The following OBI1 variants were observed in gnomAD, a reference collection of about 807,000 sequenced individuals.
OBI1 encodes the protein ring finger protein 219.
Under a neutral mutation model 62.4 loss-of-function variants are expected in OBI1, and 59 were observed. The observed-to-expected ratio is 0.95, with a 90% CI of 0.77 to 1.17. The LOEUF (loss-of-function observed/expected upper bound fraction) is 1.17, where lower values mean the gene tolerates loss of function less well. OBI1 is among the 50% of genes most tolerant of loss of function. The probability of loss-of-function intolerance (pLI) is 0.00; values close to 1 mark genes in which losing one functional copy is unlikely to be tolerated. For missense variants in OBI1, 875 were observed against 830.9 expected, an observed-to-expected ratio of 1.05 and a Z score of -0.65; for synonymous variants, 302 against 292.8, an observed-to-expected ratio of 1.03 and a Z score of -0.32.
chr13:78,622,410 T>C (rs1306479529), intron 5 of OBI1, among the ~76,000 whole-genome samples: 2 of 152,334 alleles, frequency 1.3e-5, no homozygotes, highest in East Asian at 3.9e-4. Context: ...TAATGGTTGA[T>C]ATGGGACAAA....
chr13:78,644,905 G>C lies in OBI1; in HGVS notation c.165C>G (p.Cys55Trp), dbSNP rs752759194. The C allele has an allele frequency of 1.9e-6, 3 of 1,614,006 alleles. No individual in the cohort carries two copies. Among genetic ancestry groups the C allele is most frequent in the Non-Finnish European group, 2.5e-6 (3 of 1,179,924 alleles). The change falls in exon 2 of 6, where the codon TGC becomes TGG. Residue 55 changes from cysteine (C) to tryptophan (W), a missense_variant. Cys to Trp is a radical substitution (Grantham distance 215). Transcript: ENST00000282003. ...WLKNNSQCPA[C>W]RVPITPENPC... ...GATTTTCAGGAGTGATGGGGACTCT[G>C]CAAGCTGGACACTGGCTATTATTCT...
intron 5 of OBI1, among the ~76,000 whole-genome samples, chr13:78,625,387 A>G (rs1479222235): frequency 6.6e-6 from 1 of 152,198 alleles, no homozygotes; most frequent in Admixed American, 6.5e-5. Flanking sequence ...CTCTCTCAGC[A>G]TGAAACAAAA....
chr13:78,652,248 G>C (rs1292058806), intron 1 of OBI1, among the ~76,000 whole-genome samples: 1 of 152,098 alleles, frequency 6.6e-6, no homozygotes, highest in Non-Finnish European at 1.5e-5. Context: ...AATTTCTAAA[G>C]AACTACTAAA....
chr13:78,626,457 C>T (rs924714229), intron 5 of OBI1, among the ~76,000 whole-genome samples: 5 of 152,052 alleles, frequency 3.3e-5, no homozygotes, highest in Admixed American at 6.6e-5. Flanking sequence ...ACATACAACA[C>T]GATCATTAAA....
chr13:78,639,963 G>A (rs2137454619), intron 3 of OBI1, among the ~76,000 whole-genome samples: 1 of 151,180 alleles, frequency 6.6e-6, no homozygotes, highest in East Asian at 1.9e-4. Flanking sequence ...TGCACAATGT[G>A]CACATGTACC....
intron 1 of OBI1, among the ~76,000 whole-genome samples, chr13:78,656,569 C>T (rs192366605): frequency 1.3e-5 from 2 of 148,952 alleles, no homozygotes; most frequent in Admixed American, 1.3e-4. Flanking sequence ...GCAACAAGAG[C>T]GAAACTCCGT....
chr13:78,616,466 C>T lies in OBI1; in HGVS notation c.1295G>A (p.Cys432Tyr), dbSNP rs765343118. ...HLRKLVFDDF[C>Y]DSSNVSNKDS... ...TTTATTAGAAACATTTGAAGAATCACAAAAATCATCAAACACCAATTTTCT... is the reference window on the plus strand; with the variant it reads ...TTTATTAGAAACATTTGAAGAATCATAAAAATCATCAAACACCAATTTTCT... Residue 432 changes from cysteine to tyrosine, a missense_variant, in exon 6 of 6, where the codon TGT (cysteine) becomes TAT (tyrosine). By Grantham distance (194) the Cys-to-Tyr change is radical. Transcript: ENST00000282003. 7.4e-6 allele frequency: 12 copies of T among 1,614,010 alleles called. No individual in the cohort carries two copies. The highest frequency in any genetic ancestry group is 5.3e-5 in the African/African-American group (4 of 75,030).
chr13:78,650,068 T>C (rs1197851574), intron 1 of OBI1, among the ~76,000 whole-genome samples: 2 of 152,224 alleles, frequency 1.3e-5, no homozygotes, highest in African/African-American at 4.8e-5. Context: ...TCCAGGTCTG[T>C]GGTTTCTAAT....
chr13:78,659,041 C>T lies in OBI1; in HGVS notation c.72+8G>A. 1.2e-6 allele frequency: 2 copies of T among 1,612,150 alleles called. No individual in the cohort carries two copies. Among genetic ancestry groups the T allele is most frequent in the Non-Finnish European group, 1.7e-6 (2 of 1,178,706 alleles). ...CGTTTTGTAGCTGTGCCCACAATCA[C>T]CCATTACCTTCCCCAAGCAAATGTG... is the stretch of plus-strand genomic sequence containing the variant. On this transcript the variant is annotated splice_region_variant and intron_variant, in intron 1 of 5. Transcript: ENST00000282003.
At chr13:78,622,389 G>A (rs1229616250) in intron 5 of OBI1, among the ~76,000 whole-genome samples, 1 of 152,180 alleles carries the variant, frequency 6.6e-6, no homozygotes, top group African/African-American at 2.4e-5. Context: ...CTGCAAGTGG[G>A]CTTCATAAAG....
chr13:78,628,050 C>T (rs1257429690), intron 5 of OBI1, among the ~76,000 whole-genome samples: 5 of 152,058 alleles, frequency 3.3e-5, no homozygotes, highest in East Asian at 1.9e-4. Context: ...AAACAGGCCA[C>T]GCAATTAAAT....
chr13:78,629,320 G>T (rs1282781613), intron 5 of OBI1, among the ~76,000 whole-genome samples: 1 of 152,056 alleles, frequency 6.6e-6, no homozygotes, highest in African/African-American at 2.4e-5. Context: ...TTTATAGAAA[G>T]AAAAGCCATT....
Position 78,637,950 on chromosome 13 carries a change from T to C in OBI1, c.549+873A>G, listed in dbSNP as rs181758298. ...ACAGGGGAACTCCTTTAAAATACCA[T>C]ATGGAGCTCATTAATAATTTTGAGA... On this transcript the variant is annotated intron_variant, in intron 4 of 5. Coordinates refer to ENST00000282003, the MANE Select transcript of OBI1 (RefSeq NM_024546.4). 2.6e-5 allele frequency among the ~76,000 whole-genome samples: 4 copies of C among 152,294 alleles called. No individual in the cohort carries two copies. The East Asian group carries it at 7.7e-4, about 29-fold the overall frequency.
intron 5 of OBI1, among the ~76,000 whole-genome samples, chr13:78,620,873 T>C (rs1368580780): frequency 2.0e-5 from 3 of 152,222 alleles, no homozygotes; most frequent in Admixed American, 1.3e-4. Flanking sequence ...AAAAAACTAA[T>C]AAGCTCTAGT....
intron 1 of OBI1, among the ~76,000 whole-genome samples, chr13:78,653,900 A>G (rs1190504221): frequency 6.6e-6 from 1 of 152,122 alleles, no homozygotes; most frequent in Non-Finnish European, 1.5e-5. Context: ...AAAAATGACT[A>G]TGGTAGGGGC....
chr13:78,629,882 A>G (rs1329116685), intron 5 of OBI1, among the ~76,000 whole-genome samples: 2 of 152,144 alleles, frequency 1.3e-5, no homozygotes, highest in East Asian at 3.9e-4. Context: ...CAGTAGAGAG[A>G]TGTAAAAATT....
At chr13:78,648,174 T>C (rs1023497201) in intron 1 of OBI1, among the ~76,000 whole-genome samples, 1 of 152,014 alleles carries the variant, frequency 6.6e-6, no homozygotes, top group South Asian at 2.1e-4. Flanking sequence ...GACCATAATA[T>C]ATTCATATAT....
chr13:78,619,246 A>T (rs1254346035), intron 5 of OBI1, among the ~76,000 whole-genome samples: 1 of 152,086 alleles, frequency 6.6e-6, no homozygotes, highest in Non-Finnish European at 1.5e-5. Flanking sequence ...AAATATTACC[A>T]GCTTCTTGTT....
Position 78,659,138 on chromosome 13 carries a change from C to T in OBI1, c.-18G>A, listed in dbSNP as rs776704010. ...TGAGCCATGGCAGCGTTCAGAATCC[C>T]GCCAACACGGAAGTCCCGCCGACCT... is the stretch of plus-strand genomic sequence containing the variant. On this transcript the variant is annotated 5_prime_UTR_variant, in exon 1 of 6. Transcript: ENST00000282003. 1 of 1,607,818 alleles carries T rather than the reference C, an allele frequency of 6.2e-7. No individual in the cohort carries two copies. Among genetic ancestry groups the T allele is most frequent in the East Asian group, 2.2e-5 (1 of 44,554 alleles).
Sources: allele counts gnomAD v4.1 joint callset (sites outside exome capture counted in the v4.1 genomes callset), GRCh38; gene constraint gnomAD v4.1.1; transcripts MANE v1.5; gene names NCBI Gene and HGNC (gene_info 2026-07-23, HGNC 2026-07-21).